Variants in STK17B observed in about 807,000 individuals in gnomAD.
STK17B encodes the protein serine/threonine kinase 17b.
A neutral mutation model predicts 42.0 loss-of-function variants in STK17B; 21 were observed. That is an observed-to-expected ratio of 0.50 (90% CI 0.35 to 0.72). The LOEUF (loss-of-function observed/expected upper bound fraction) is 0.72. Among genes scored for constraint, STK17B ranks in the 30% least tolerant of loss-of-function variants. The pLI is 0.00. For missense variants in STK17B, 349 were observed against 446.0 expected (o/e 0.78, Z 1.96); for synonymous variants, 143 against 148.4 (o/e 0.96, Z 0.26).
Position 196,139,112 on chromosome 2 carries a change from T to TC in STK17B, c.836+507_836+508insG, listed in dbSNP as rs975688180. ...CCAAGTAGCTGGGACTACAGATGCC[T>TC]GCCACCATGCCTGGCTAATTTTTTT... is the stretch of plus-strand genomic sequence containing the variant. On this transcript the variant is annotated intron_variant, in intron 7 of 7. Coordinates refer to ENST00000263955, the MANE Select transcript of STK17B (RefSeq NM_004226.4). Among the ~76,000 whole-genome samples the TC allele has an allele frequency of 9.2e-5, 14 of 152,040 alleles. 1 individual carries two copies. The highest frequency in any genetic ancestry group is 1.9e-4 in the Non-Finnish European group (13 of 68,000).
At chr2:196,155,369 T>C (rs1222122341) in intron 3 of STK17B, among the ~76,000 whole-genome samples, 1 of 152,240 alleles carries the variant, frequency 6.6e-6, no homozygotes, top group Non-Finnish European at 1.5e-5. Context: ...CATTCTTAAA[T>C]GAACTACTTG....
At chr2:196,150,413 TAA>T (rs1489508546) in intron 3 of STK17B, among the ~76,000 whole-genome samples, 2 of 152,204 alleles carry the variant, frequency 1.3e-5, no homozygotes, top group Non-Finnish European at 2.9e-5. Context: ...GAATACGTGA[TAA>T]GAGTACTTTA....
intron 1 of STK17B, 104 bp from the exon 2 acceptor site, chr2:196,163,531 A>G: frequency 2.2e-6 from 2 of 894,344 alleles, no homozygotes; most frequent in Non-Finnish European, 3.1e-6. Flanking sequence ...TAAAAAAAAA[A>G]AAGATTTAAA....
chr2:196,165,356 G>A (rs547397696), intron 1 of STK17B, among the ~76,000 whole-genome samples: 3 of 152,300 alleles, frequency 2.0e-5, no homozygotes, highest in South Asian at 4.1e-4. Context: ...TAAGTCGCCT[G>A]ATCTGCGGCA....
At chr2:196,139,114 C>T (rs903882938) in intron 7 of STK17B, among the ~76,000 whole-genome samples, 1 of 152,122 alleles carries the variant, frequency 6.6e-6, no homozygotes, top group Non-Finnish European at 1.5e-5. Flanking sequence ...CAGATGCCTG[C>T]CACCATGCCT....
intron 2 of STK17B, among the ~76,000 whole-genome samples, chr2:196,157,380 G>GT (rs1473981795): frequency 7.9e-5 from 12 of 152,220 alleles, no homozygotes; most frequent in South Asian, 4.2e-4. Context: ...AGGGTATCAT[G>GT]TTAACTCTCT....
At position 196,163,497 on chromosome 2, in the gene STK17B, C is replaced by G. The variant is rs1699839131; in HGVS notation, c.-44-70G>C. 3 of 1,130,432 alleles carry G rather than the reference C, an allele frequency of 2.7e-6. No homozygotes were observed. The South Asian group carries it at 6.4e-5, about 24-fold the overall frequency. 70.0% of individuals were successfully genotyped at this position (1,130,432 alleles called of 1,614,324 possible). A position where few individuals can be genotyped will look rare whatever the true frequency, so the allele number is the denominator to read the frequency against. The stretch of plus-strand genomic sequence containing the variant: ...AGGATGTGCATTACATTACACAGCT[C>G]CAAATATAGCTATAAAATACAACTA... On this transcript the variant is annotated intron_variant, in intron 1 of 7. Transcript: ENST00000263955.
In STK17B at chr2:196,171,348, A is replaced by C. The variant is rs1471132455; in HGVS notation, c.-60T>G. On this transcript the variant is annotated 5_prime_UTR_variant, in exon 1 of 8. Transcript: ENST00000263955. The stretch of plus-strand genomic sequence containing the variant: ...GGACACTAACCGCTCCGGCCGCCGC[A>C]GGTTCTCCCGGGACTGCCCCCTCCA... 6.6e-6 allele frequency: 1 copy of C among 152,634 alleles called. No homozygotes were observed. The highest frequency in any genetic ancestry group is 6.5e-5 in the Admixed American group (1 of 15,292). 9.5% of individuals were successfully genotyped at this position (152,634 alleles called of 1,614,324 possible).
chr2:196,156,683 T>A, intron 2 of STK17B, 32 bp from the exon 3 acceptor site: 1 of 1,552,676 alleles, frequency 6.4e-7, no homozygotes, highest in Middle Eastern at 1.7e-4. Flanking sequence ...CAATTTTAAT[T>A]TTTCTGCAGA....
intron 3 of STK17B, 79 bp downstream of exon 3, chr2:196,156,360 A>T: frequency 8.4e-7 from 1 of 1,187,534 alleles, no homozygotes; most frequent in Non-Finnish European, 1.2e-6. Context: ...TTCTTGTCAC[A>T]CCTTTATCAT....
At chr2:196,166,947 T>G (rs1343552326) in intron 1 of STK17B, among the ~76,000 whole-genome samples, 3 of 152,220 alleles carry the variant, frequency 2.0e-5, no homozygotes, top group Non-Finnish European at 4.4e-5. Flanking sequence ...CTCCCCAGTA[T>G]CTACAAGCTT....
chr2:196,152,376 G>A (rs1699677748), intron 3 of STK17B, among the ~76,000 whole-genome samples: 2 of 152,044 alleles, frequency 1.3e-5, no homozygotes, highest in African/African-American at 4.8e-5. Flanking sequence ...CAAAGTGCTG[G>A]GATTACAGGC....
At chr2:196,149,583 T>A (rs1699634715) in intron 3 of STK17B, among the ~76,000 whole-genome samples, 1 of 152,220 alleles carries the variant, frequency 6.6e-6, no homozygotes, top group South Asian at 2.1e-4. Flanking sequence ...TTAAAGTCTT[T>A]GCTAAATTAA....
In STK17B at chr2:196,137,562, C is replaced by G. The variant is rs200748046; in HGVS notation, c.1004G>C (p.Gly335Ala). Residue 335 changes from glycine to alanine, a missense_variant, in exon 8 of 8, where the codon GGT (glycine) becomes GCT (alanine). By Grantham distance (60) the Gly-to-Ala change is moderately conservative (BLOSUM62 0). This residue lies in a region of STK17B where 87 missense variants were observed against 78.8 expected (regional missense o/e 1.10). Transcript: ENST00000263955. ...GATATTCTCTTTGTCTTCTCTATCA[C>G]CACAGGTTCCATTACAGGAGGATTT... ...TSKSSCNGTC[G>A]DREDKENIPE... 6.2e-7 allele frequency: 1 copy of G among 1,614,104 alleles called. No individual in the cohort carries two copies. Among genetic ancestry groups the G allele is most frequent in the African/African-American group, 1.3e-5 (1 of 75,034 alleles).
intron 1 of STK17B, among the ~76,000 whole-genome samples, chr2:196,165,264 A>T (rs1403012522): frequency 6.6e-6 from 1 of 152,216 alleles, no homozygotes; most frequent in Non-Finnish European, 1.5e-5. Context: ...CCAAGAGGGC[A>T]GGCCTCAGAA....
intron 2 of STK17B, among the ~76,000 whole-genome samples, chr2:196,159,489 AT>A (rs1333528714): frequency 6.6e-6 from 1 of 151,772 alleles, no homozygotes; most frequent in Non-Finnish European, 1.5e-5. Flanking sequence ...TTTTTACATA[AT>A]TTGTACAGAC....
At chr2:196,163,492 C>T in intron 1 of STK17B, 65 bp from the exon 2 acceptor site, 1 of 1,220,388 alleles carries the variant, frequency 8.2e-7, no homozygotes, top group Non-Finnish European at 1.1e-6. Flanking sequence ...TTACATTACA[C>T]AGCTCCAAAT....
chr2:196,163,340 A>G lies in STK17B; in HGVS notation c.44T>C (p.Leu15Pro), dbSNP rs202160682. Reference sequence around the variant, plus strand: ...TATTGGAATTTGAGGAGTTGTAGTTAGTAGGCCTGAAATACTTCGGCAATC... The same window carrying G: ...TATTGGAATTTGAGGAGTTGTAGTTGGTAGGCCTGAAATACTTCGGCAATC... ...RFDCRSISGL[L>P]TTTPQIPIKM... is the part of the protein sequence containing the mutation. The change falls in exon 2 of 8, where the codon CTA becomes CCA. Residue 15 changes from leucine to proline, a missense_variant. Transcript: ENST00000263955. 3 of 1,605,348 alleles carry G rather than the reference A, an allele frequency of 1.9e-6. No homozygotes were observed. Among genetic ancestry groups the G allele is most frequent in the East Asian group, 2.2e-5 (1 of 44,620 alleles).
chr2:196,172,522 A>G (rs1306474852), upstream of STK17B, among the ~76,000 whole-genome samples: 1 of 152,224 alleles, frequency 6.6e-6, no homozygotes, highest in Non-Finnish European at 1.5e-5. Flanking sequence ...CTTGCTTTCA[A>G]AAGACTTAAT....
Sources: gnomAD v4.1 joint callset for allele counts (sites outside exome capture counted in the v4.1 genomes callset) on GRCh38, gnomAD v4.1.1 for gene constraint, gnomAD v4.1.1 regional missense constraint, MANE v1.5 for transcripts, NCBI Gene and HGNC (gene_info 2026-07-23, HGNC 2026-07-21) for gene names.